PTK2: variants seen among roughly 807,000 people sequenced by gnomAD.
The protein encoded by PTK2 is focal adhesion kinase 1.
In PTK2, 45 loss-of-function variants were observed where a neutral mutation model predicts 150.1. That is an observed-to-expected ratio of 0.30 (90% CI 0.24 to 0.38). The LOEUF is 0.38. Ranked by LOEUF, PTK2 falls within the 10% of genes least tolerant of loss-of-function variation. The pLI, the probability that PTK2 is intolerant of heterozygous loss-of-function variation, is 1.00. For missense variants in PTK2, 919 were observed against 1,307.3 expected, an observed-to-expected ratio of 0.70 and a Z score of 4.58; for synonymous variants, 432 against 449.2, an observed-to-expected ratio of 0.96 and a Z score of 0.48.
chr8:140,720,707 G>A (rs558794642), intron 22 of PTK2, among the ~76,000 whole-genome samples: 1 of 152,308 alleles, frequency 6.6e-6, no homozygotes, highest in African/African-American at 2.4e-5. Context: ...AATATCCTGT[G>A]TAACTAATGG....
At chr8:140,900,926 A>G (rs1240917191) in intron 2 of PTK2, among the ~76,000 whole-genome samples, 1 of 152,214 alleles carries the variant, frequency 6.6e-6, no homozygotes. Context: ...TTTATATGGA[A>G]CCACAAAAGA....
chr8:140,932,413 A>C lies in PTK2; in HGVS notation c.-121-6664T>G, dbSNP rs190854234. Among the ~76,000 whole-genome samples, 76 of 151,956 alleles carry C rather than the reference A, an allele frequency of 5.0e-4. 1 individual carries two copies. The highest frequency in any genetic ancestry group is 8.5e-4 in the Admixed American group (13 of 15,266). On this transcript the variant is annotated intron_variant, in intron 1 of 31. Coordinates refer to ENST00000522684, the Ensembl canonical transcript of PTK2. The stretch of plus-strand genomic sequence containing the variant: ...TATTTTTTAGTAGAGAGGGGGTTTC[A>C]CCATCTTGGCCAGGCCAGTCTCGAA...
chr8:141,000,294 G>A (rs1189560619), intron 1 of PTK2, among the ~76,000 whole-genome samples: 1 of 152,210 alleles, frequency 6.6e-6, no homozygotes, highest in Non-Finnish European at 1.5e-5. Context: ...GAGGGCTCCA[G>A]GGCTCCCGCC....
chr8:140,673,821 G>A (rs1414352843), intron 29 of PTK2, among the ~76,000 whole-genome samples: 1 of 152,172 alleles, frequency 6.6e-6, no homozygotes, highest in Non-Finnish European at 1.5e-5. Context: ...CTTGGTTTGA[G>A]GATGGCTCTA....
chr8:140,825,237 A>C (rs927731546), intron 8 of PTK2, among the ~76,000 whole-genome samples: 1 of 152,216 alleles, frequency 6.6e-6, no homozygotes, highest in Non-Finnish European at 1.5e-5. Flanking sequence ...AGCAGAGGCC[A>C]GGTTTCACTC....
At position 140,922,288 on chromosome 8, in the gene PTK2, A is replaced by G. The variant is rs1182955557; in HGVS notation, c.-33+3373T>C. On this transcript the variant is annotated intron_variant, in intron 2 of 31. Coordinates refer to ENST00000522684, the Ensembl canonical transcript of PTK2. ...GTTCAAGTGACCTCTTCTATGCTCC[A>G]CTGAAAACATATCATTCACCAGCAT... Among the ~76,000 whole-genome samples, 3 of 151,974 alleles carry G rather than the reference A, an allele frequency of 2.0e-5. No individual in the cohort carries two copies. The East Asian group carries it at 5.8e-4, about 29-fold the overall frequency.
chr8:140,727,787 A>G (rs961701035), intron 22 of PTK2, among the ~76,000 whole-genome samples: 1 of 152,220 alleles, frequency 6.6e-6, no homozygotes, highest in Non-Finnish European at 1.5e-5. Context: ...TTTGATAACA[A>G]GTATCTTGGT....
intron 1 of PTK2, among the ~76,000 whole-genome samples, chr8:140,930,378 T>C (rs998851778): frequency 6.6e-6 from 1 of 152,232 alleles, no homozygotes; most frequent in Non-Finnish European, 1.5e-5. Flanking sequence ...TCTTCTGTCC[T>C]ATGTTCCAAT....
intron 1 of PTK2, among the ~76,000 whole-genome samples, chr8:140,944,712 G>C (rs1395708011): frequency 6.6e-6 from 1 of 152,192 alleles, no homozygotes; most frequent in Non-Finnish European, 1.5e-5. Flanking sequence ...CAAAGCTTCA[G>C]CCGGCAAGTA....
At chr8:140,772,401 G>A (rs1295368196) in intron 14 of PTK2, among the ~76,000 whole-genome samples, 1 of 152,268 alleles carries the variant, frequency 6.6e-6, no homozygotes, top group East Asian at 1.9e-4. Context: ...ACTCCAGCCT[G>A]GCGACAGAGG....
At chr8:140,669,301 G>GTATATATATATATATATATATATA (rs35271369) in intron 29 of PTK2, 11 of 97,992 alleles carry the variant, frequency 1.1e-4, no homozygotes, top group Admixed American at 2.0e-4. Context: ...GCATAAAATG[G>GTATATATATATATATATATATATA]TATATATATA....
At chr8:140,959,182 T>C (rs1406321432) in intron 1 of PTK2, among the ~76,000 whole-genome samples, 1 of 148,130 alleles carries the variant, frequency 6.8e-6, no homozygotes, top group African/African-American at 2.5e-5. Context: ...GAAAAGGGAG[T>C]AAAAGGCTGG....
intron 10 of PTK2, among the ~76,000 whole-genome samples, chr8:140,805,567 A>G (rs1286641198): frequency 6.6e-6 from 1 of 151,314 alleles, no homozygotes; most frequent in Non-Finnish European, 1.5e-5. Context: ...AAAAAAAAGA[A>G]GAGAAAAAAA....
chr8:140,881,106 C>T (rs2100148821), intron 3 of PTK2, among the ~76,000 whole-genome samples: 1 of 152,190 alleles, frequency 6.6e-6, no homozygotes, highest in South Asian at 2.1e-4. Flanking sequence ...AGGATGTTTG[C>T]AGCCTACAGA....
intron 14 of PTK2, among the ~76,000 whole-genome samples, chr8:140,772,547 T>C (rs1399638270): frequency 6.6e-6 from 1 of 152,232 alleles, no homozygotes; most frequent in Non-Finnish European, 1.5e-5. Context: ...TGAAATAATT[T>C]AGACTGCGGA....
chr8:140,740,900 T>C (rs759601587), intron 20 of PTK2, among the ~76,000 whole-genome samples: 5 of 152,194 alleles, frequency 3.3e-5, no homozygotes, highest in Non-Finnish European at 5.9e-5. Flanking sequence ...CCCAGCACTT[T>C]GGGAGGCCAA....
chr8:140,763,871 T>C (rs1177668698), intron 15 of PTK2, among the ~76,000 whole-genome samples: 1 of 152,168 alleles, frequency 6.6e-6, no homozygotes, highest in African/African-American at 2.4e-5. Context: ...TATACATATA[T>C]GGATATATAT....
At chr8:140,846,321 G>T (rs1447236486) in exon 7 of PTK2, 1 of 1,611,546 alleles carries the variant, frequency 6.2e-7, no homozygotes, top group Non-Finnish European at 8.5e-7. Context: ...CAGTATGATC[G>T]CCTAAAATCA....
intron 10 of PTK2, among the ~76,000 whole-genome samples, chr8:140,817,229 T>G (rs961722108): frequency 9.2e-5 from 14 of 152,004 alleles, no homozygotes; most frequent in Non-Finnish European, 2.1e-4. Flanking sequence ...ACTAAATCAC[T>G]TACATGTTAA....
Sources: allele counts gnomAD v4.1 joint callset (sites outside exome capture counted in the v4.1 genomes callset), GRCh38; gene constraint gnomAD v4.1.1; transcripts MANE v1.5; gene names NCBI Gene and HGNC (gene_info 2026-07-23, HGNC 2026-07-21).